Variants in NF1 observed in about 807,000 individuals in gnomAD.
NF1 encodes the protein neurofibromin 1, also known as neurofibromin.
A neutral mutation model predicts 325.7 loss-of-function variants in NF1; 122 were observed. That is an observed-to-expected ratio of 0.37 (90% confidence interval 0.32 to 0.44). NF1 has a LOEUF of 0.44. Ranked by LOEUF, NF1 falls within the 20% of genes least tolerant of loss-of-function variation. NF1 has a pLI of 1.00. For synonymous variants in NF1, 1,091 were observed against 1,186.0 expected, an observed-to-expected ratio of 0.92 and a Z score of 1.65; for missense variants, 2,140 against 3,415.4, an observed-to-expected ratio of 0.63 and a Z score of 9.31.
At chr17:31,318,779 C>CCTGAA (rs1186526178) in intron 36 of NF1, 46 of 1,613,884 alleles carry the variant, frequency 2.9e-5, no homozygotes, top group Non-Finnish European at 3.6e-5. Flanking sequence ...TGAGATGTTT[C>CCTGAA]AGGCATGTTT....
At chr17:31,260,538 A>T (rs202233658) in intron 34 of NF1, 23 bp downstream of exon 34, 4 of 1,613,110 alleles carry the variant, frequency 2.5e-6, no homozygotes, top group Non-Finnish European at 3.4e-6. Context: ...AGTCATGGGG[A>T]TAGTGAACAC....
chr17:31,144,616 C>T (rs954755806), intron 1 of NF1, among the ~76,000 whole-genome samples: 42 of 152,018 alleles, frequency 2.8e-4, no homozygotes, highest in Non-Finnish European at 7.3e-5. Context: ...TTCTTGGCCT[C>T]TCTCTCCACA....
At position 31,169,974 on chromosome 17, in the gene NF1, C is replaced by G. The variant is rs1060500309; in HGVS notation, c.563C>G (p.Ala188Gly). 1 of 1,167,294 alleles carries G rather than the reference C, an allele frequency of 8.6e-7. No homozygotes were observed. The highest frequency in any genetic ancestry group is 2.2e-4 in the Middle Eastern group (1 of 4,554). 72.3% of individuals were successfully genotyped at this position (1,167,294 alleles called of 1,614,324 possible). The change falls in exon 5 of 58, where the codon GCA becomes GGA. Residue 188 changes from alanine (A) to glycine (G), a missense_variant. Physicochemically the swap from Ala to Gly is moderately conservative, Grantham distance 60. This residue lies in a region of NF1 where 246 missense variants were observed against 347.8 expected (regional missense o/e 0.71). Transcript: ENST00000358273. ...TTACAGTATATCAATGTGGATTGTG[C>G]AAAATTAAAACGACTCCTGAAGGGT... is the stretch of plus-strand genomic sequence containing the variant. ...ELLQYINVDC[A>G]KLKRLLKETA...
chr17:31,168,644 G>T (rs183104548), intron 4 of NF1, among the ~76,000 whole-genome samples: 1 of 152,038 alleles, frequency 6.6e-6, no homozygotes, highest in African/African-American at 2.4e-5. Flanking sequence ...TTTGGCTGGG[G>T]GGGGACAAGA....
chr17:31,229,562 A>G (rs1303959785), intron 21 of NF1, 97 bp downstream of exon 21: 11 of 1,447,066 alleles, frequency 7.6e-6, no homozygotes, highest in Non-Finnish European at 1.1e-5. Context: ...AGGTACTCAC[A>G]GTTTTTAAAA....
intron 1 of NF1, among the ~76,000 whole-genome samples, chr17:31,099,831 G>A (rs965608271): frequency 6.6e-6 from 1 of 152,044 alleles, no homozygotes; most frequent in Non-Finnish European, 1.5e-5. Context: ...AAAGTGCTGG[G>A]ATTACAGGCG....
At chr17:31,135,892 G>A (rs1376057032) in intron 1 of NF1, among the ~76,000 whole-genome samples, 1 of 151,896 alleles carries the variant, frequency 6.6e-6, no homozygotes, top group Admixed American at 6.6e-5. Flanking sequence ...ATTTTCTTAT[G>A]TGCCTTTTAT....
intron 1 of NF1, among the ~76,000 whole-genome samples, chr17:31,099,648 C>CT (rs1489421358): frequency 3.3e-5 from 5 of 151,126 alleles, no homozygotes; most frequent in Non-Finnish European, 5.9e-5. Flanking sequence ...CAACCTCTGC[C>CT]TCCTGGGTTC....
chr17:31,098,405 C>T (rs1192671147), intron 1 of NF1, among the ~76,000 whole-genome samples: 1 of 151,856 alleles, frequency 6.6e-6, no homozygotes, highest in Non-Finnish European at 1.5e-5. Context: ...ATGATTCTTG[C>T]CTAGGCTGGA....
chr17:31,316,804 A>G lies in NF1; in HGVS notation c.4836-9016A>G, dbSNP rs532349822. On this transcript the variant is annotated intron_variant, in intron 36 of 57. Coordinates refer to ENST00000358273, the MANE Select transcript of NF1 (RefSeq NM_001042492.3). The stretch of plus-strand genomic sequence containing the variant: ...TATTGTTATGATTTCTCGTTTAGAG[A>G]ATAGATTTGTTTTTTACAAATTGCT... Among the ~76,000 whole-genome samples, 253 of 152,350 alleles carry G rather than the reference A, an allele frequency of 1.7e-3. 1 individual carries two copies. In the South Asian group the frequency reaches 0.027, roughly 16 times the overall value.
chr17:31,271,258 A>G (rs2067888691), intron 36 of NF1, among the ~76,000 whole-genome samples: 1 of 152,252 alleles, frequency 6.6e-6, no homozygotes, highest in South Asian at 2.1e-4. Flanking sequence ...ACATAAGACA[A>G]GAGTGTACTC....
intron 29 of NF1, among the ~76,000 whole-genome samples, chr17:31,238,911 C>T (rs977794729): frequency 5.4e-4 from 82 of 152,284 alleles, no homozygotes; most frequent in African/African-American, 1.9e-3. Flanking sequence ...TGGGCGCCTA[C>T]AGTTACAGCG....
intron 49 of NF1, 130 bp from the exon 50 acceptor site, chr17:31,350,053 T>G: frequency 1.1e-6 from 1 of 918,408 alleles, no homozygotes; most frequent in Non-Finnish European, 1.8e-6. Context: ...TTCACATTTA[T>G]GTAGTCTTCC....
intron 36 of NF1, chr17:31,322,021 T>C (rs999847248): frequency 4.6e-5 from 7 of 151,942 alleles, no homozygotes; most frequent in Admixed American, 4.6e-4. Context: ...ACTGCAGCAA[T>C]TATTTGAGAA....
chr17:31,186,220 G>A (rs944212981), intron 8 of NF1, among the ~76,000 whole-genome samples: 9 of 152,154 alleles, frequency 5.9e-5, no homozygotes, highest in South Asian at 2.1e-4. Context: ...TCATGCCACC[G>A]TACCTTCTCT....
intron 38 of NF1, among the ~76,000 whole-genome samples, chr17:31,328,299 CAAAT>C (rs1340373859): frequency 6.6e-6 from 1 of 152,160 alleles, no homozygotes; most frequent in Non-Finnish European, 1.5e-5. Context: ...AATCTTAAGA[CAAAT>C]AAGTCATCTG....
Position 31,318,497 on chromosome 17 carries a change from C to G in NF1, c.4836-7323C>G, listed in dbSNP as rs184707635. 4.3e-6 allele frequency: 7 copies of G among 1,614,018 alleles called. No homozygotes were observed. The Admixed American group carries it at 1.2e-4, about 27-fold the overall frequency. ...CCATTGCTTCTAGGCTGACGCTTGCCTACTTGTTTTGATCGTCTGAGAGAA... is the reference window on the plus strand; with the variant it reads ...CCATTGCTTCTAGGCTGACGCTTGCGTACTTGTTTTGATCGTCTGAGAGAA... On this transcript the variant is annotated intron_variant, in intron 36 of 57. Coordinates refer to ENST00000358273, the MANE Select transcript of NF1 (RefSeq NM_001042492.3).
At chr17:31,150,227 C>CAACAAGTTTGGATTTTAG (rs748420441) in intron 1 of NF1, among the ~76,000 whole-genome samples, 2 of 152,044 alleles carry the variant, frequency 1.3e-5, no homozygotes, top group Admixed American at 1.3e-4. Flanking sequence ...TGTTGTTGAT[C>CAACAAGTTTGGATTTTAG]AACAAGTTTG....
chr17:31,258,835 A>G (rs1454417153), intron 32 of NF1, among the ~76,000 whole-genome samples, 197 bp from the exon 33 acceptor site: 1 of 152,126 alleles, frequency 6.6e-6, no homozygotes, highest in East Asian at 1.9e-4. Context: ...ATGTATTTTT[A>G]CATGTAAATA....
Sources: gnomAD v4.1 joint callset for allele counts (sites outside exome capture counted in the v4.1 genomes callset) on GRCh38, gnomAD v4.1.1 for gene constraint, gnomAD v4.1.1 regional missense constraint, MANE v1.5 for transcripts, NCBI Gene and HGNC (gene_info 2026-07-23, HGNC 2026-07-21) for gene names.